The following GRID2 variants were observed in gnomAD, a reference collection of about 807,000 sequenced individuals.
The protein encoded by GRID2 is glutamate receptor ionotropic, delta-2.
In GRID2, 33 loss-of-function variants were observed where a neutral mutation model predicts 114.8. That is an observed-to-expected ratio of 0.29 (90% CI 0.22 to 0.38). The LOEUF is 0.38. Ranked by LOEUF, GRID2 falls within the 10% of genes least tolerant of loss-of-function variation. GRID2 has a pLI of 1.00. For synonymous variants in GRID2, 505 were observed against 449.9 expected (o/e 1.12, Z -1.55); for missense variants, 1,184 against 1,257.7 (o/e 0.94, Z 0.89).
chr4:92,471,368 A>G (rs2149095940), intron 1 of GRID2, among the ~76,000 whole-genome samples: 1 of 152,182 alleles, frequency 6.6e-6, no homozygotes, highest in African/African-American at 2.4e-5. Flanking sequence ...CAACCCTTTC[A>G]TTTTATAATT....
intron 4 of GRID2, among the ~76,000 whole-genome samples, chr4:93,143,584 T>G (rs759414186): frequency 6.6e-6 from 1 of 152,214 alleles, no homozygotes; most frequent in African/African-American, 2.4e-5. Flanking sequence ...TGGTATAAGA[T>G]TGATTATTAC....
At chr4:92,895,694 A>T (rs1747117533) in intron 2 of GRID2, among the ~76,000 whole-genome samples, 1 of 152,056 alleles carries the variant, frequency 6.6e-6, no homozygotes, top group Admixed American at 6.6e-5. Flanking sequence ...TCAAATCCTT[A>T]GAATGTGTTA....
At chr4:92,659,598 AG>A (rs1245786270) in intron 2 of GRID2, among the ~76,000 whole-genome samples, 1 of 151,608 alleles carries the variant, frequency 6.6e-6, no homozygotes, top group Non-Finnish European at 1.5e-5. Context: ...TTGTTTTCTA[AG>A]ATGTACTCTT....
At chr4:92,565,796 A>G (rs1310063222) in intron 1 of GRID2, among the ~76,000 whole-genome samples, 2 of 152,028 alleles carry the variant, frequency 1.3e-5, no homozygotes, top group East Asian at 3.8e-4. Flanking sequence ...ATAATTTATT[A>G]CTGTTCATAG....
chr4:93,408,634 G>T (rs1766782402), intron 9 of GRID2, among the ~76,000 whole-genome samples: 1 of 152,046 alleles, frequency 6.6e-6, no homozygotes, highest in Non-Finnish European at 1.5e-5. Context: ...TGGCACAGAG[G>T]TCATTTTTAT....
intron 1 of GRID2, among the ~76,000 whole-genome samples, chr4:92,516,152 C>T: frequency 6.6e-6 from 1 of 151,864 alleles, no homozygotes; most frequent in East Asian, 1.9e-4. Flanking sequence ...ACGTATGCTG[C>T]AGAGAATCAA....
intron 2 of GRID2, among the ~76,000 whole-genome samples, chr4:92,989,942 C>T (rs1471577952): frequency 6.6e-6 from 1 of 151,998 alleles, no homozygotes; most frequent in African/African-American, 2.4e-5. Context: ...TTATTAAGAA[C>T]TAGGCATCAG....
At chr4:92,583,449 G>A (rs528638025) in intron 1 of GRID2, among the ~76,000 whole-genome samples, 1 of 151,960 alleles carries the variant, frequency 6.6e-6, no homozygotes, top group Non-Finnish European at 1.5e-5. Flanking sequence ...GCTTGTGAAG[G>A]GTTAGATAAG....
intron 1 of GRID2, among the ~76,000 whole-genome samples, chr4:92,424,493 A>G (rs1236531966): frequency 6.6e-6 from 1 of 152,038 alleles, no homozygotes; most frequent in Admixed American, 6.6e-5. Context: ...TTGGTAGTCA[A>G]GAAATGCTCA....
intron 2 of GRID2, among the ~76,000 whole-genome samples, chr4:92,932,778 A>C (rs1484927725): frequency 6.6e-6 from 1 of 151,332 alleles, no homozygotes; most frequent in Admixed American, 6.6e-5. Context: ...AATCTAAAAA[A>C]GTCTTTATTG....
chr4:92,814,112 C>A lies in GRID2; in HGVS notation c.244+223826C>A, dbSNP rs1740774261. Among the ~76,000 whole-genome samples, 4 of 152,216 alleles carry A rather than the reference C, an allele frequency of 2.6e-5. No homozygotes were observed. In the South Asian group the frequency reaches 8.3e-4, roughly 32 times the overall value. ...CTGATACTTTCATTTTCTGTTGCAG[C>A]ACTTGCTATTTCTTTTATGCCATGG... On this transcript the variant is annotated intron_variant, in intron 2 of 15. Coordinates refer to ENST00000282020, the MANE Select transcript of GRID2 (RefSeq NM_001510.4).
At chr4:93,424,209 G>T (rs116327830) in intron 10 of GRID2, among the ~76,000 whole-genome samples, 1 of 150,140 alleles carries the variant, frequency 6.7e-6, no homozygotes. Flanking sequence ...TCTTTTAAAG[G>T]TACAGAAAGA....
chr4:92,707,753 CAAG>C (rs1180922279), intron 2 of GRID2, among the ~76,000 whole-genome samples: 1 of 152,110 alleles, frequency 6.6e-6, no homozygotes, highest in Admixed American at 6.5e-5. Context: ...CCATTTTAAA[CAAG>C]AAAATAACAG....
intron 13 of GRID2, among the ~76,000 whole-genome samples, chr4:93,534,759 T>C (rs1731856091): frequency 1.3e-5 from 2 of 152,066 alleles, no homozygotes; most frequent in Admixed American, 6.6e-5. Flanking sequence ...TCTTAAGTTT[T>C]AGAGTTTGAT....
At chr4:93,352,086 G>C (rs1760859014) in intron 8 of GRID2, among the ~76,000 whole-genome samples, 1 of 151,956 alleles carries the variant, frequency 6.6e-6, no homozygotes. Context: ...CCATATTGCT[G>C]ACAAGTAGCA....
At chr4:92,627,142 G>A (rs1408202559) in intron 2 of GRID2, among the ~76,000 whole-genome samples, 3 of 151,958 alleles carry the variant, frequency 2.0e-5, no homozygotes, top group African/African-American at 4.8e-5. Flanking sequence ...TTAGATACAG[G>A]TTATAAGACA....
At chr4:93,024,281 G>T (rs1404020740) in intron 2 of GRID2, among the ~76,000 whole-genome samples, 1 of 151,566 alleles carries the variant, frequency 6.6e-6, no homozygotes, top group African/African-American at 2.4e-5. Context: ...CAAATGCAGA[G>T]AAATTTCTGT....
At chr4:93,445,062 A>G (rs1465620380) in intron 10 of GRID2, among the ~76,000 whole-genome samples, 3 of 152,154 alleles carry the variant, frequency 2.0e-5, no homozygotes, top group Non-Finnish European at 2.9e-5. Context: ...ATTGTAGCCA[A>G]TGATATTTAA....
intron 4 of GRID2, among the ~76,000 whole-genome samples, chr4:93,167,767 AT>A (rs147715373): frequency 0.054 from 8,221 of 151,998 alleles, 632 homozygotes; most frequent in African/African-American, 0.17. Context: ...TTAAGAAATC[AT>A]TTTTTTTCTA....
Sources: gnomAD v4.1 joint callset for allele counts (sites outside exome capture counted in the v4.1 genomes callset) on GRCh38, gnomAD v4.1.1 for gene constraint, MANE v1.5 for transcripts, NCBI Gene and HGNC (gene_info 2026-07-23, HGNC 2026-07-21) for gene names.